DNAH9: variants seen among roughly 807,000 people sequenced by gnomAD.
DNAH9 encodes the protein dynein axonemal heavy chain 9.
In DNAH9, 345 loss-of-function variants were observed where a neutral mutation model predicts 471.6. The observed-to-expected ratio is 0.73, with a 90% confidence interval of 0.67 to 0.80. The LOEUF is 0.80. Ranked by LOEUF, DNAH9 falls within the 30% of genes least tolerant of loss-of-function variation. The pLI, the probability that DNAH9 is intolerant of heterozygous loss-of-function variation, is 0.00. For missense variants in DNAH9, 5,407 were observed against 5,609.2 expected, an observed-to-expected ratio of 0.96 and a Z score of 1.15; for synonymous variants, 2,093 against 2,123.6, an observed-to-expected ratio of 0.99 and a Z score of 0.40.
chr17:11,941,895 T>C (rs1974931573), intron 66 of DNAH9, among the ~76,000 whole-genome samples: 1 of 152,228 alleles, frequency 6.6e-6, no homozygotes. Flanking sequence ...TATAGATAGA[T>C]AGATTTGTCA....
chr17:11,631,026 T>C (rs535613831), intron 7 of DNAH9, among the ~76,000 whole-genome samples: 16 of 152,226 alleles, frequency 1.1e-4, no homozygotes, highest in East Asian at 9.7e-4. Context: ...TATTAGTGAC[T>C]TGGGGAGGTA....
chr17:11,865,569 C>G (rs1441608156), intron 50 of DNAH9, among the ~76,000 whole-genome samples: 3 of 152,010 alleles, frequency 2.0e-5, no homozygotes, highest in East Asian at 1.9e-4. Flanking sequence ...GTTGGCCTGC[C>G]TTGCTAGATT....
intron 41 of DNAH9, 26 bp downstream of exon 41, chr17:11,784,565 C>T: frequency 6.2e-7 from 1 of 1,613,750 alleles, no homozygotes; most frequent in Non-Finnish European, 8.5e-7. Context: ...CCGAGACACC[C>T]TAGGGGCTTA....
intron 67 of DNAH9, among the ~76,000 whole-genome samples, chr17:11,951,438 T>C (rs905820265): frequency 6.6e-6 from 1 of 152,158 alleles, no homozygotes; most frequent in Non-Finnish European, 1.5e-5. Context: ...CCTAGCACTT[T>C]GGGAGGCCCA....
chr17:11,599,947 A>AAGC (rs1393542627), intron 1 of DNAH9, among the ~76,000 whole-genome samples: 1 of 152,146 alleles, frequency 6.6e-6, no homozygotes, highest in African/African-American at 2.4e-5. Flanking sequence ...GGTGAGGGTA[A>AAGC]AGCTTACCTA....
intron 8 of DNAH9, among the ~76,000 whole-genome samples, chr17:11,634,735 C>A (rs1270162664): frequency 6.6e-6 from 1 of 152,186 alleles, no homozygotes; most frequent in East Asian, 1.9e-4. Flanking sequence ...TTAAGGAAAT[C>A]CAGTCAAACT....
At chr17:11,895,104 C>G (rs1037940393) in intron 59 of DNAH9, among the ~76,000 whole-genome samples, 2 of 152,218 alleles carry the variant, frequency 1.3e-5, no homozygotes, top group African/African-American at 4.8e-5. Flanking sequence ...TTTGGTCTGT[C>G]TGATGGCAGA....
intron 67 of DNAH9, among the ~76,000 whole-genome samples, chr17:11,949,903 G>A (rs1158735272): frequency 6.6e-6 from 1 of 152,114 alleles, no homozygotes; most frequent in Non-Finnish European, 1.5e-5. Flanking sequence ...CATTCAATTA[G>A]TATGTGTAAA....
At chr17:11,958,809 G>A (rs1025851874) in intron 67 of DNAH9, among the ~76,000 whole-genome samples, 3 of 151,736 alleles carry the variant, frequency 2.0e-5, no homozygotes, top group South Asian at 2.1e-4. Context: ...CAGAATTAAC[G>A]TGACACCAAA....
In DNAH9 at chr17:11,932,636, AC is replaced by A. The variant is rs1178666991; in HGVS notation, c.12297+435del. 6.6e-6 allele frequency among the ~76,000 whole-genome samples: 1 copy of A among 152,194 alleles called. No individual in the cohort carries two copies. The highest frequency in any genetic ancestry group is 1.5e-5 in the Non-Finnish European group (1 of 68,030). Reference sequence around the variant, plus strand: ...GGGCATGAGCACACAGAAGGGCTGCACCCCACACAGGTGGGATGAGGCAGTG... The same window carrying A: ...GGGCATGAGCACACAGAAGGGCTGCACCCACACAGGTGGGATGAGGCAGTG... On this transcript the variant is annotated intron_variant, in intron 64 of 68. Transcript: ENST00000262442. The surrounding 1 kb of genome is among the most constrained non-coding windows in gnomAD (Gnocchi z 4.3).
intron 38 of DNAH9, among the ~76,000 whole-genome samples, chr17:11,771,909 C>A (rs1438832052): frequency 1.3e-5 from 2 of 152,092 alleles, no homozygotes; most frequent in Non-Finnish European, 2.9e-5. Flanking sequence ...TTGTACAGCC[C>A]TGTGAATAAG....
Position 11,705,195 on chromosome 17 carries a change from G to T in DNAH9, c.5552+10G>T. ...CACCTTTGACTGACAGGTGAGCACT[G>T]GTGTCAACCACTGACAGCCTTACTG... On this transcript the variant is annotated intron_variant, in intron 26 of 68. Transcript: ENST00000262442. The T allele has an allele frequency of 6.2e-7, 1 of 1,613,228 alleles. No homozygotes were observed. The highest frequency in any genetic ancestry group is 8.5e-7 in the Non-Finnish European group (1 of 1,179,348).
chr17:11,872,394 A>G (rs9911596), intron 52 of DNAH9, among the ~76,000 whole-genome samples: 137,526 of 147,000 alleles, frequency 0.94, 64,638 homozygotes, highest in African/African-American at 0.97. Context: ...ATGTAACTAA[A>G]TGGAGAAATA....
intron 17 of DNAH9, among the ~76,000 whole-genome samples, chr17:11,677,899 A>G (rs2074072774): frequency 6.6e-6 from 1 of 152,000 alleles, no homozygotes; most frequent in South Asian, 2.1e-4. Context: ...CACAATGATT[A>G]AAAGACTTTA....
At position 11,807,817 on chromosome 17, in the gene DNAH9, A is replaced by G. The variant is rs773421046; in HGVS notation, c.8506A>G (p.Arg2836Gly). ...VGGSGKQSLT[R>G]LAAFISSMDV... ...TGGGAGCGGCAAGCAGAGCCTGACA[A>G]GGCTGGCAGCTTTCATCAGCTCCAT... is the stretch of plus-strand genomic sequence containing the variant. Residue 2836 changes from arginine (R) to glycine (G), a missense_variant, in exon 44 of 69, where the codon AGG becomes GGG. Coordinates refer to ENST00000262442, the MANE Select transcript of DNAH9 (RefSeq NM_001372.4). 21 of 1,613,952 alleles carry G rather than the reference A, an allele frequency of 1.3e-5. No individual in the cohort carries two copies. Among genetic ancestry groups the G allele is most frequent in the Non-Finnish European group, 5.9e-6 (7 of 1,179,960 alleles).
chr17:11,903,006 T>C, intron 60 of DNAH9, 94 bp downstream of exon 60: 1 of 1,369,910 alleles, frequency 7.3e-7, no homozygotes, highest in East Asian at 2.3e-5. Context: ...CAAAGCCATG[T>C]GTATATAGTA....
chr17:11,614,534 A>G (rs965625850), intron 4 of DNAH9, among the ~76,000 whole-genome samples: 10 of 152,216 alleles, frequency 6.6e-5, no homozygotes, highest in Admixed American at 5.2e-4. Context: ...CAGGATAGGC[A>G]TGGTACAACC....
chr17:11,922,628 C>T (rs1295347577), intron 61 of DNAH9, among the ~76,000 whole-genome samples: 2 of 152,184 alleles, frequency 1.3e-5, no homozygotes, highest in Non-Finnish European at 2.9e-5. Context: ...CCCTTATATA[C>T]ATCCAACAGA....
intron 14 of DNAH9, among the ~76,000 whole-genome samples, chr17:11,657,313 A>G (rs1035106268): frequency 3.9e-5 from 6 of 152,060 alleles, no homozygotes; most frequent in Non-Finnish European, 4.4e-5. Flanking sequence ...TCTTTCCCTG[A>G]AGATTTATAC....
Sources: gnomAD v4.1 joint callset for allele counts (sites outside exome capture counted in the v4.1 genomes callset) on GRCh38, gnomAD v4.1.1 for gene constraint, Gnocchi (gnomAD v3.1) non-coding constraint, MANE v1.5 for transcripts, NCBI Gene and HGNC (gene_info 2026-07-23, HGNC 2026-07-21) for gene names.